STK17B: variants seen among roughly 807,000 people sequenced by gnomAD.
STK17B encodes the protein serine/threonine kinase 17b.
A neutral mutation model predicts 42.0 loss-of-function variants in STK17B; 21 were observed. The observed-to-expected ratio is 0.50, with a 90% confidence interval of 0.35 to 0.72. STK17B has a LOEUF of 0.72. STK17B is among the 30% of genes least tolerant of loss of function. STK17B has a pLI of 0.00. For missense variants in STK17B, 349 were observed against 446.0 expected (o/e 0.78, Z 1.96); for synonymous variants, 143 against 148.4 (o/e 0.96, Z 0.26).
chr2:196,143,329 A>G (rs898049923), intron 5 of STK17B, among the ~76,000 whole-genome samples: 3 of 152,084 alleles, frequency 2.0e-5, no homozygotes, highest in Admixed American at 6.5e-5. Flanking sequence ...CAAACATTCA[A>G]CTTGTACACT....
At chr2:196,159,782 T>A (rs6740426) in intron 2 of STK17B, among the ~76,000 whole-genome samples, 1 of 152,104 alleles carries the variant, frequency 6.6e-6, no homozygotes, top group Admixed American at 6.5e-5. Flanking sequence ...ATCTACAGTT[T>A]GTTAACACAT....
upstream of STK17B, among the ~76,000 whole-genome samples, chr2:196,171,865 G>A (rs1559418636): frequency 1.1e-4 from 16 of 151,824 alleles, 2 homozygotes; most frequent in South Asian, 3.1e-3. Flanking sequence ...GGGCGCGCGG[G>A]GCTGGAACTA....
intron 3 of STK17B, among the ~76,000 whole-genome samples, chr2:196,152,395 C>G (rs536191039): frequency 2.0e-5 from 3 of 152,032 alleles, no homozygotes; most frequent in Middle Eastern, 3.2e-3. Context: ...GCGTGAGCCA[C>G]CACCCCCGGC....
intron 6 of STK17B, among the ~76,000 whole-genome samples, chr2:196,140,577 C>CCTTTTTTTT (rs1334737441): frequency 4.9e-5 from 5 of 101,472 alleles, no homozygotes; most frequent in Non-Finnish European, 5.8e-5. Context: ...CTTCTTCTAG[C>CCTTTTTTTT]TTTTTTTTTT....
Position 196,146,453 on chromosome 2 carries a change from G to A in STK17B, c.336-398C>T, listed in dbSNP as rs182425578. Among the ~76,000 whole-genome samples, 43 of 152,214 alleles carry A rather than the reference G, an allele frequency of 2.8e-4. No homozygotes were observed. The Middle Eastern group carries it at 0.014, about 48-fold the overall frequency. ...TGGGAGGCAAAGGTTGCAGTGAGCC[G>A]AGATGGCACCACTGCATTCCAGCCT... On this transcript the variant is annotated intron_variant, in intron 3 of 7. Transcript: ENST00000263955.
In STK17B at chr2:196,134,613, A is replaced by G. The variant is rs1366265630; in HGVS notation, c.*2834T>C. 1.3e-5 allele frequency: 2 copies of G among 152,246 alleles called. No homozygotes were observed. The highest frequency in any genetic ancestry group is 2.9e-5 in the Non-Finnish European group (2 of 68,038). The allele number at this position is 152,246 out of a possible 1,614,324, so 9.4% of individuals were successfully genotyped here. ...AACGGCTTACTTCCTTTAAAGTGCC[A>G]TTACAATTTCACTGCTCAGAGCTAG... On this transcript the variant is annotated 3_prime_UTR_variant, in exon 8 of 8. Coordinates refer to ENST00000263955, the MANE Select transcript of STK17B (RefSeq NM_004226.4).
At chr2:196,167,063 T>C (rs923226308) in intron 1 of STK17B, among the ~76,000 whole-genome samples, 3 of 152,218 alleles carry the variant, frequency 2.0e-5, no homozygotes, top group Non-Finnish European at 4.4e-5. Flanking sequence ...ATCTTTGTTA[T>C]ACTTCTTTGC....
intron 3 of STK17B, among the ~76,000 whole-genome samples, chr2:196,147,439 A>AT (rs1488794398): frequency 3.3e-5 from 5 of 152,216 alleles, no homozygotes; most frequent in Non-Finnish European, 7.3e-5. Context: ...AAAATATGTC[A>AT]TAAGTGTTAG....
chr2:196,164,896 C>G (rs1699858115), intron 1 of STK17B, among the ~76,000 whole-genome samples: 1 of 152,166 alleles, frequency 6.6e-6, no homozygotes, highest in Non-Finnish European at 1.5e-5. Context: ...GGAAACAGCT[C>G]TAACTAGTTT....
At chr2:196,174,063 A>C (rs1699976964), upstream of STK17B, among the ~76,000 whole-genome samples, 1 of 152,218 alleles carries the variant, frequency 6.6e-6, no homozygotes, top group South Asian at 2.1e-4. Context: ...TTTCAGAAGA[A>C]ACAAGACCTG....
intron 3 of STK17B, among the ~76,000 whole-genome samples, chr2:196,151,814 A>G (rs1452235751): frequency 6.6e-6 from 1 of 152,202 alleles, no homozygotes; most frequent in African/African-American, 2.4e-5. Flanking sequence ...TAAGATTTAT[A>G]TTACTTTCTG....
In STK17B at chr2:196,139,626, T is replaced by C; in HGVS notation, c.830A>G (p.Asn277Ser). ...TDFIQSLLVK[N>S]PEKRPTAEIC... ...TAAACAAATTATTACTTACTCTGGATTTTTTACTAAAAGGCTCTGAATAAA... is the reference window on the plus strand; with the variant it reads ...TAAACAAATTATTACTTACTCTGGACTTTTTACTAAAAGGCTCTGAATAAA... The change falls in exon 7 of 8, where the codon AAT becomes AGT. Residue 277 changes from asparagine (N) to serine (S), a missense_variant. Around this residue, in one of 3 missense-constraint regions of STK17B, gnomAD observed 256 missense variants for 347.7 expected, o/e 0.74. Coordinates refer to ENST00000263955, the MANE Select transcript of STK17B (RefSeq NM_004226.4). The C allele has an allele frequency of 7.3e-7, 1 of 1,374,000 alleles. No homozygotes were observed. Among genetic ancestry groups the C allele is most frequent in the South Asian group, 2.2e-5 (1 of 45,126 alleles). 85.1% of individuals were successfully genotyped at this position (1,374,000 alleles called of 1,614,324 possible).
At chr2:196,151,182 G>T (rs556335292) in intron 3 of STK17B, 2 of 152,210 alleles carry the variant, frequency 1.3e-5, no homozygotes, top group East Asian at 1.9e-4. Flanking sequence ...TCTGATGAAT[G>T]TAAGTTCCCC....
At position 196,137,331 on chromosome 2, in the gene STK17B, C is replaced by A. The variant is rs1456945242; in HGVS notation, c.*116G>T. The A allele has an allele frequency of 1.8e-6, 2 of 1,133,894 alleles. No homozygotes were observed. The highest frequency in any genetic ancestry group is 1.7e-5 in the South Asian group (1 of 58,086). 70.2% of individuals were successfully genotyped at this position (1,133,894 alleles called of 1,614,324 possible). On this transcript the variant is annotated 3_prime_UTR_variant, in exon 8 of 8. Coordinates refer to ENST00000263955, the MANE Select transcript of STK17B (RefSeq NM_004226.4). The stretch of plus-strand genomic sequence containing the variant: ...CATTAAAACACTTCCCTAAATTATT[C>A]CATGGAAAAGTGCATTTACAATATA...
Position 196,144,441 on chromosome 2 carries a change from C to T in STK17B, c.481-755G>A, listed in dbSNP as rs1336649211. Among the ~76,000 whole-genome samples, 48 of 128,276 alleles carry T rather than the reference C, an allele frequency of 3.7e-4. 1 individual carries two copies. Among genetic ancestry groups the T allele is most frequent in the African/African-American group, 1.3e-3 (44 of 32,900 alleles). The allele number at this position is 128,276 out of a possible 152,430, so 84.2% of individuals were successfully genotyped here. On this transcript the variant is annotated intron_variant, in intron 4 of 7. Transcript: ENST00000263955. ...GGTGGAGCTTGCAGTGAGCCAAGAT[C>T]GCACCACTGCAATTCAGCCTGGGCG...
chr2:196,158,755 TAA>T (rs1699772848), intron 2 of STK17B, among the ~76,000 whole-genome samples: 1 of 136,794 alleles, frequency 7.3e-6, no homozygotes, highest in Admixed American at 7.5e-5. Flanking sequence ...CTCATGCCTG[TAA>T]TACCAGCACT....
chr2:196,168,302 G>GA (rs1699895823), intron 1 of STK17B, among the ~76,000 whole-genome samples: 1 of 152,108 alleles, frequency 6.6e-6, no homozygotes, highest in South Asian at 2.1e-4. Flanking sequence ...CCCACCTCCA[G>GA]AAAAAGAGTT....
At chr2:196,173,803 T>A (rs556507491), upstream of STK17B, among the ~76,000 whole-genome samples, 1 of 152,288 alleles carries the variant, frequency 6.6e-6, no homozygotes, top group South Asian at 2.1e-4. Context: ...GCGGTTGTTA[T>A]GGGCTCAGTT....
At chr2:196,155,431 C>T (rs562160764) in intron 3 of STK17B, among the ~76,000 whole-genome samples, 40 of 152,072 alleles carry the variant, frequency 2.6e-4, no homozygotes, top group African/African-American at 9.4e-4. Context: ...TTGATTCCAG[C>T]CAATCTATTT....
Sources: allele counts gnomAD v4.1 joint callset (sites outside exome capture counted in the v4.1 genomes callset), GRCh38; gene constraint gnomAD v4.1.1; regional missense constraint gnomAD v4.1.1; transcripts MANE v1.5; gene names NCBI Gene and HGNC (gene_info 2026-07-23, HGNC 2026-07-21).